The following ABCB1 variants were observed in gnomAD, a reference collection of about 807,000 sequenced individuals.
ABCB1 encodes the protein ATP binding cassette subfamily B member 1.
In ABCB1, 69 loss-of-function variants were observed where a neutral mutation model predicts 142.0. The observed-to-expected ratio is 0.49, with a 90% CI of 0.40 to 0.59. ABCB1 has a LOEUF of 0.59. Among genes scored for constraint, ABCB1 ranks in the 20% least tolerant of loss-of-function variants. The probability of loss-of-function intolerance (pLI) is 0.00; values close to 1 mark genes in which losing one functional copy is unlikely to be tolerated. For missense variants in ABCB1, 1,326 were observed against 1,554.7 expected (o/e 0.85, Z 2.47); for synonymous variants, 532 against 539.2 (o/e 0.99, Z 0.18).
In ABCB1 at chr7:87,680,217, T is replaced by G. The variant is rs950580488; in HGVS notation, c.-331+32944A>C. Among the ~76,000 whole-genome samples, 15 of 150,520 alleles carry G rather than the reference T, an allele frequency of 1.0e-4. 1 individual carries two copies. The highest frequency in any genetic ancestry group is 3.7e-4 in the African/African-American group (15 of 40,506). ...CAAAGGACATGACCTCATCCCTTTT[T>G]GTGGCTGCGTAGTATTCCATGGTGT... On this transcript the variant is annotated intron_variant, in intron 1 of 28. Coordinates refer to the ABCB1 transcript ENST00000265724.
intron 1 of ABCB1, among the ~76,000 whole-genome samples, chr7:87,620,940 C>CA (rs1191375981): frequency 6.6e-6 from 1 of 151,748 alleles, no homozygotes; most frequent in Non-Finnish European, 1.5e-5. Flanking sequence ...CCTACTCATA[C>CA]AAAAAACCTT....
intron 1 of ABCB1, among the ~76,000 whole-genome samples, chr7:87,701,926 G>T (rs879290209): frequency 6.6e-6 from 1 of 151,874 alleles, no homozygotes; most frequent in East Asian, 1.9e-4. Flanking sequence ...GGCGGATCAC[G>T]AGGTCAGGAG....
At chr7:87,549,326 G>A in intron 14 of ABCB1, 22 bp downstream of exon 14, 1 of 1,614,116 alleles carries the variant, frequency 6.2e-7, no homozygotes, top group Middle Eastern at 1.6e-4. Flanking sequence ...AATCAGGTTG[G>A]TTTGAACTAA....
chr7:87,531,046 C>T (rs1449018252), intron 21 of ABCB1, among the ~76,000 whole-genome samples: 1 of 151,920 alleles, frequency 6.6e-6, no homozygotes, highest in Non-Finnish European at 1.5e-5. Context: ...GAAGGAAGAA[C>T]AGTGTGAAGA....
At position 87,702,004 on chromosome 7, in the gene ABCB1, G is replaced by A. The variant is rs1185271432; in HGVS notation, c.-331+11157C>T. ...TGAAAATATAAAAAATTAGCCAGGC[G>A]TGGTGGTGGGCACCTGTAATCCCAG... On this transcript the variant is annotated intron_variant, in intron 1 of 28. Coordinates refer to the ABCB1 transcript ENST00000265724. 2.6e-5 allele frequency among the ~76,000 whole-genome samples: 4 copies of A among 151,632 alleles called. No individual in the cohort carries two copies. In the East Asian group the frequency reaches 7.8e-4, roughly 30 times the overall value.
At chr7:87,596,138 C>T (rs1192625517) in intron 2 of ABCB1, among the ~76,000 whole-genome samples, 1 of 151,966 alleles carries the variant, frequency 6.6e-6, no homozygotes, top group Non-Finnish European at 1.5e-5. Context: ...AATATACATA[C>T]TGAAAAGAGT....
Position 87,550,494 on chromosome 7 carries a change from T to C in ABCB1, c.1198A>G (p.Ser400Gly). The C allele has an allele frequency of 6.2e-7, 1 of 1,613,410 alleles. No individual in the cohort carries two copies. The change falls in exon 11 of 28, where the codon AGT becomes GGT. Residue 400 changes from serine to glycine, a missense_variant. Transcript: ENST00000622132. ...GNLEFRNVHF[S>G]YPSRKEVKIL... ...TTAACTTCTTTTCGAGATGGGTAAC[T>C]GAAGTGAACATTTCTGAATTCCAAA...
At chr7:87,620,748 T>C (rs1454482045) in intron 1 of ABCB1, among the ~76,000 whole-genome samples, 2 of 152,160 alleles carry the variant, frequency 1.3e-5, no homozygotes, top group Non-Finnish European at 2.9e-5. Context: ...CTAAGATTCA[T>C]GTGAAAACCA....
At chr7:87,504,476 C>A in intron 27 of ABCB1, 27 bp from the exon 28 acceptor site, 1 of 1,613,486 alleles carries the variant, frequency 6.2e-7, no homozygotes, top group Non-Finnish European at 8.5e-7. Context: ...TAGATTAATT[C>A]TCATAATAGT....
At chr7:87,623,333 C>G (rs1162195720) in intron 1 of ABCB1, among the ~76,000 whole-genome samples, 1 of 152,174 alleles carries the variant, frequency 6.6e-6, no homozygotes, top group African/African-American at 2.4e-5. Context: ...AACTGAGGGT[C>G]AGTATTTGCC....
intron 20 of ABCB1, among the ~76,000 whole-genome samples, chr7:87,532,492 A>G (rs113106026): frequency 3.2e-4 from 48 of 152,294 alleles, no homozygotes; most frequent in African/African-American, 1.1e-3. Flanking sequence ...GGTTGTTCTC[A>G]CTGCTCATTA....
chr7:87,509,124 G>T (rs1814886808), intron 26 of ABCB1, 151 bp downstream of exon 26: 1 of 787,270 alleles, frequency 1.3e-6, no homozygotes. Context: ...AACCCAAACA[G>T]GAAGTGTGGC....
intron 1 of ABCB1, among the ~76,000 whole-genome samples, chr7:87,678,317 A>G (rs1317973192): frequency 1.3e-5 from 2 of 152,190 alleles, no homozygotes; most frequent in African/African-American, 4.8e-5. Context: ...GTTTGCATGT[A>G]TAGTACAAGT....
intron 1 of ABCB1, among the ~76,000 whole-genome samples, chr7:87,679,406 T>A (rs1826702484): frequency 6.7e-6 from 1 of 149,732 alleles, no homozygotes; most frequent in South Asian, 2.1e-4. Context: ...AACTTTTTTT[T>A]AAGACAGGAT....
At chr7:87,676,924 A>G (rs1050462051) in intron 1 of ABCB1, among the ~76,000 whole-genome samples, 1 of 152,136 alleles carries the variant, frequency 6.6e-6, no homozygotes, top group Non-Finnish European at 1.5e-5. Flanking sequence ...ACAAAATTTA[A>G]TAATGCCTTA....
At chr7:87,554,449 G>A (rs1817228474) in intron 8 of ABCB1, among the ~76,000 whole-genome samples, 3 of 152,094 alleles carry the variant, frequency 2.0e-5, no homozygotes, top group South Asian at 2.1e-4. Flanking sequence ...CAACTGAGAG[G>A]TTACATGTGT....
intron 2 of ABCB1, among the ~76,000 whole-genome samples, chr7:87,599,466 C>T (rs1819349181): frequency 6.6e-6 from 1 of 152,160 alleles, no homozygotes; most frequent in Non-Finnish European, 1.5e-5. Flanking sequence ...GAGCAGATCA[C>T]CAGCAGCATA....
Position 87,549,412 on chromosome 7 carries a change from A to T in ABCB1, c.1661T>A (p.Leu554Gln). Residue 554 changes from leucine to glutamine, a missense_variant, in exon 14 of 28, where the codon CTG (leucine) becomes CAG (glutamine). Coordinates refer to ENST00000622132, the MANE Select transcript of ABCB1 (RefSeq NM_001348946.2). ...ALVRNPKILLLDEATSALDTE... is the reference protein window; with the variant it reads ...ALVRNPKILLQDEATSALDTE... ...GTCCAAGGCTGACGTGGCCTCATCC[A>T]GCAGGAGGATCTTGGGGTTGCGAAC... is the stretch of plus-strand genomic sequence containing the variant. 6.2e-7 allele frequency: 1 copy of T among 1,614,230 alleles called. No individual in the cohort carries two copies. The highest frequency in any genetic ancestry group is 1.1e-5 in the South Asian group (1 of 91,086).
intron 9 of ABCB1, among the ~76,000 whole-genome samples, chr7:87,551,730 C>T (rs1160810426): frequency 6.6e-6 from 1 of 151,998 alleles, no homozygotes; most frequent in East Asian, 1.9e-4. Flanking sequence ...AATATAAATA[C>T]TTTTCAATTT....
Sources: gnomAD v4.1 joint callset for allele counts (sites outside exome capture counted in the v4.1 genomes callset) on GRCh38, gnomAD v4.1.1 for gene constraint, MANE v1.5 for transcripts, NCBI Gene and HGNC (gene_info 2026-07-23, HGNC 2026-07-21) for gene names.